The following RNF217 variants were observed in gnomAD, a reference collection of about 807,000 sequenced individuals.
The protein encoded by RNF217 is E3 ubiquitin-protein ligase RNF217.
A neutral mutation model predicts 57.8 loss-of-function variants in RNF217; 31 were observed. The ratio of observed to expected loss-of-function variants is 0.54; its 90% CI spans 0.40 to 0.72. The LOEUF is 0.72. Among genes scored for constraint, RNF217 ranks in the 30% least tolerant of loss-of-function variants. The pLI, the probability that RNF217 is intolerant of heterozygous loss-of-function variation, is 0.00. For missense variants in RNF217, 696 were observed against 708.3 expected (o/e 0.98, Z 0.20); for synonymous variants, 313 against 294.0 (o/e 1.06, Z -0.66).
intron 1 of RNF217, among the ~76,000 whole-genome samples, chr6:124,976,537 G>A (rs1783970165): frequency 6.6e-6 from 1 of 151,556 alleles, no homozygotes; most frequent in Non-Finnish European, 1.5e-5. Context: ...CAAAGTGCTG[G>A]GATTATAGGT....
At chr6:124,989,345 A>C (rs182774729) in intron 1 of RNF217, among the ~76,000 whole-genome samples, 1 of 152,342 alleles carries the variant, frequency 6.6e-6, no homozygotes, top group Admixed American at 6.5e-5. Flanking sequence ...CCTTCAAAGC[A>C]TGACACTTGA....
rs1788692070 is a variant in RNF217, at chr6:125,083,925, C to CTAA, written c.*989_*990insAAT. ...ACATGCTTCACTCTATAGATAGATC[C>CTAA]TTCACATTGGGATTATTTAATCCCA... On this transcript the variant is annotated 3_prime_UTR_variant, in exon 6 of 6. Coordinates refer to ENST00000521654, the MANE Select transcript of RNF217 (RefSeq NM_001286398.3). 1 of 152,026 alleles carries CTAA rather than the reference C, an allele frequency of 6.6e-6. No homozygotes were observed. Among genetic ancestry groups the CTAA allele is most frequent in the Non-Finnish European group, 1.5e-5 (1 of 67,978 alleles). 9.4% of individuals were successfully genotyped at this position (152,026 alleles called of 1,614,324 possible).
At chr6:125,080,166 T>C (rs1361312299) in intron 4 of RNF217, among the ~76,000 whole-genome samples, 1 of 152,118 alleles carries the variant, frequency 6.6e-6, no homozygotes, top group East Asian at 1.9e-4. Flanking sequence ...TATATGTGCT[T>C]ATATATTCTA....
chr6:125,030,748 G>A (rs537563282), intron 1 of RNF217, among the ~76,000 whole-genome samples: 50 of 152,214 alleles, frequency 3.3e-4, no homozygotes, highest in South Asian at 2.9e-3. Flanking sequence ...GAGTGTCTGC[G>A]GCTTTTCCAG....
chr6:125,082,967 G>C lies in RNF217; in HGVS notation c.*30G>C. 6.5e-7 allele frequency: 1 copy of C among 1,530,706 alleles called. No individual in the cohort carries two copies. 94.8% of individuals were successfully genotyped at this position (1,530,706 alleles called of 1,614,324 possible). Reference sequence around the variant, plus strand: ...CAGATGATTTCATCCAGCTAAGCTGGTTGGAGTAGGAGCGATACCAAAGGG... The same window carrying C: ...CAGATGATTTCATCCAGCTAAGCTGCTTGGAGTAGGAGCGATACCAAAGGG... On this transcript the variant is annotated 3_prime_UTR_variant, in exon 6 of 6. Transcript: ENST00000521654.
intron 1 of RNF217, among the ~76,000 whole-genome samples, chr6:124,981,227 C>T (rs1208791627): frequency 2.6e-5 from 4 of 152,016 alleles, no homozygotes; most frequent in Non-Finnish European, 5.9e-5. Context: ...TGTAATATCT[C>T]ATTAAATTAT....
chr6:125,001,498 T>C (rs1784981882), intron 1 of RNF217, among the ~76,000 whole-genome samples: 1 of 152,220 alleles, frequency 6.6e-6, no homozygotes, highest in Non-Finnish European at 1.5e-5. Flanking sequence ...ATATGTTTTG[T>C]CAACTAGTAA....
At chr6:125,061,832 T>C (rs1179972869) in intron 3 of RNF217, among the ~76,000 whole-genome samples, 1 of 151,970 alleles carries the variant, frequency 6.6e-6, no homozygotes, top group Non-Finnish European at 1.5e-5. Context: ...AGAAGTTTGA[T>C]TAAAAGTTCA....
intron 1 of RNF217, among the ~76,000 whole-genome samples, chr6:124,992,838 T>C (rs1784611743): frequency 6.6e-6 from 1 of 152,128 alleles, no homozygotes; most frequent in African/African-American, 2.4e-5. Context: ...TTAAATAAAT[T>C]TAATAAATTT....
intron 1 of RNF217, among the ~76,000 whole-genome samples, chr6:124,989,472 A>G (rs1037486597): frequency 2.0e-5 from 3 of 152,166 alleles, no homozygotes; most frequent in Non-Finnish European, 4.4e-5. Context: ...TTTAACTGTC[A>G]CTGTGATTCA....
At chr6:125,002,643 C>T (rs564239092) in intron 1 of RNF217, among the ~76,000 whole-genome samples, 3 of 152,204 alleles carry the variant, frequency 2.0e-5, no homozygotes, top group South Asian at 2.1e-4. Flanking sequence ...ACGCTGGCCC[C>T]GTATGTTCCT....
Position 125,022,021 on chromosome 6 carries a change from A to G in RNF217, c.883-23190A>G, listed in dbSNP as rs905257787. ...CTCAGCCTCCCAAGTAGCTGGGATC[A>G]CAAGCATGCACCACCACACCTGGCT... is the stretch of plus-strand genomic sequence containing the variant. On this transcript the variant is annotated intron_variant, in intron 1 of 5. Transcript: ENST00000521654. Among the ~76,000 whole-genome samples the G allele has an allele frequency of 2.0e-5, 3 of 152,062 alleles. No homozygotes were observed. The East Asian group carries it at 5.8e-4, about 29-fold the overall frequency.
chr6:124,996,617 G>A (rs1231159307), intron 1 of RNF217: 1 of 152,042 alleles, frequency 6.6e-6, no homozygotes, highest in Non-Finnish European at 1.5e-5. Context: ...CATAATGAGG[G>A]GAAGAGTCAA....
chr6:125,027,987 C>T (rs917991837), intron 1 of RNF217, among the ~76,000 whole-genome samples: 2 of 151,724 alleles, frequency 1.3e-5, no homozygotes, highest in African/African-American at 4.8e-5. Context: ...AGATTTTTTC[C>T]TGTAGGGTTG....
At chr6:125,020,564 CT>C (rs551891600) in intron 1 of RNF217, among the ~76,000 whole-genome samples, 144 of 145,300 alleles carry the variant, frequency 9.9e-4, no homozygotes, top group Admixed American at 1.1e-3. Context: ...TTGTTGTTGC[CT>C]TTTTTTTTTT....
At chr6:125,027,984 T>G (rs1157079103) in intron 1 of RNF217, among the ~76,000 whole-genome samples, 1 of 152,144 alleles carries the variant, frequency 6.6e-6, no homozygotes, top group Non-Finnish European at 1.5e-5. Context: ...ATTAGATTTT[T>G]TCCTGTAGGG....
chr6:124,968,860 G>A (rs1203124094), intron 1 of RNF217, among the ~76,000 whole-genome samples: 1 of 152,152 alleles, frequency 6.6e-6, no homozygotes, highest in African/African-American at 2.4e-5. Context: ...TACCTGAGCG[G>A]TAATTTCTTA....
chr6:124,962,785 A>T lies in RNF217; in HGVS notation c.241A>T (p.Ser81Cys). The T allele has an allele frequency of 6.3e-7, 1 of 1,596,728 alleles. No individual in the cohort carries two copies. Among genetic ancestry groups the T allele is most frequent in the Non-Finnish European group, 8.5e-7 (1 of 1,179,414 alleles). The change falls in exon 1 of 6, where the codon AGC becomes TGC. Residue 81 changes from serine (S) to cysteine (C), a missense_variant. Physicochemically the swap from Ser to Cys is moderately radical, Grantham distance 112. Transcript: ENST00000521654. The surrounding 1 kb of genome is among the most constrained non-coding windows in gnomAD (Gnocchi z 4.6). ...CCTGGGGCCCCCGGGCTGGAGTAAG[A>T]GCCGAGCACCGGCGCAGCCTGCGGG... ...RSLGPPGWSK[S>C]RAPAQPAGLA...
intron 1 of RNF217, among the ~76,000 whole-genome samples, chr6:124,984,285 G>A (rs1270376996): frequency 1.3e-5 from 2 of 152,108 alleles, no homozygotes; most frequent in African/African-American, 2.4e-5. Flanking sequence ...AGTGGCTCAC[G>A]CCTGTAATTC....
Sources: allele counts gnomAD v4.1 joint callset (sites outside exome capture counted in the v4.1 genomes callset), GRCh38; gene constraint gnomAD v4.1.1; non-coding constraint Gnocchi (gnomAD v3.1); transcripts MANE v1.5; gene names NCBI Gene and HGNC (gene_info 2026-07-23, HGNC 2026-07-21).